CDKAL1: variants seen among roughly 807,000 people sequenced by gnomAD.
The protein encoded by CDKAL1 is CDKAL1 threonylcarbamoyladenosine tRNA methylthiotransferase, also known as threonylcarbamoyladenosine tRNA methylthiotransferase.
CDKAL1 carries 32 observed loss-of-function variants against 68.2 expected under a neutral mutation model. The observed-to-expected ratio is 0.47, with a 90% CI of 0.35 to 0.63. The LOEUF (loss-of-function observed/expected upper bound fraction) is 0.63. Among genes scored for constraint, CDKAL1 ranks in the 30% least tolerant of loss-of-function variants. The pLI, the probability that CDKAL1 is intolerant of heterozygous loss-of-function variation, is 0.00. For missense variants in CDKAL1, 606 were observed against 696.7 expected (o/e 0.87, Z 1.47); for synonymous variants, 234 against 244.3 (o/e 0.96, Z 0.39).
chr6:20,982,858 A>G (rs1344463480), intron 10 of CDKAL1, among the ~76,000 whole-genome samples: 1 of 152,204 alleles, frequency 6.6e-6, no homozygotes, highest in Non-Finnish European at 1.5e-5. Flanking sequence ...TTTCATTTTA[A>G]AAAAACAACA....
At chr6:20,936,591 G>A (rs986875157) in intron 9 of CDKAL1, among the ~76,000 whole-genome samples, 1 of 151,996 alleles carries the variant, frequency 6.6e-6, no homozygotes, top group African/African-American at 2.4e-5. Flanking sequence ...TTCACATGGG[G>A]CTTGGTGACA....
At position 20,781,186 on chromosome 6, in the gene CDKAL1, A is replaced by G; in HGVS notation, c.559A>G (p.Arg187Gly). 2 of 1,614,002 alleles carry G rather than the reference A, an allele frequency of 1.2e-6. No individual in the cohort carries two copies. Among genetic ancestry groups the G allele is most frequent in the East Asian group, 4.5e-5 (2 of 44,874 alleles). The change falls in exon 8 of 16, where the codon AGG (arginine) becomes GGG (glycine). Residue 187 changes from arginine to glycine, a missense_variant. By Grantham distance (125) the Arg-to-Gly change is moderately radical. Transcript: ENST00000274695. ...RLLGQKKDNGRRLGGARLDLP... is the reference protein window; with the variant it reads ...RLLGQKKDNGGRLGGARLDLP... ...GCTGGGTCAGAAAAAGGATAATGGAAGGCGGCTTGGGGGAGCACGATTGGA... is the reference window on the plus strand; with the variant it reads ...GCTGGGTCAGAAAAAGGATAATGGAGGGCGGCTTGGGGGAGCACGATTGGA...
chr6:20,985,933 A>T (rs958732514), intron 10 of CDKAL1, among the ~76,000 whole-genome samples: 2 of 151,916 alleles, frequency 1.3e-5, no homozygotes, highest in African/African-American at 4.8e-5. Flanking sequence ...AAATGAAGAA[A>T]TTTTTTCTTT....
At chr6:20,958,765 T>G (rs1326551359) in intron 10 of CDKAL1, among the ~76,000 whole-genome samples, 1 of 152,210 alleles carries the variant, frequency 6.6e-6, no homozygotes, top group Non-Finnish European at 1.5e-5. Context: ...TTCTTGTGTT[T>G]TTAGAAGATG....
At chr6:20,695,519 G>A (rs892530274) in intron 5 of CDKAL1, among the ~76,000 whole-genome samples, 7 of 152,116 alleles carry the variant, frequency 4.6e-5, no homozygotes, top group African/African-American at 1.7e-4. Flanking sequence ...GTTATAACAG[G>A]AAGAAGTGAT....
chr6:21,003,371 TACACACAC>T (rs55839331), intron 11 of CDKAL1, among the ~76,000 whole-genome samples: 7 of 49,290 alleles, frequency 1.4e-4, no homozygotes, highest in Admixed American at 2.9e-4. Flanking sequence ...TATATATATA[TACACACAC>T]ACACACACAC....
intron 5 of CDKAL1, among the ~76,000 whole-genome samples, chr6:20,730,766 C>T (rs1427078133): frequency 1.3e-5 from 2 of 151,216 alleles, no homozygotes; most frequent in Admixed American, 6.6e-5. Flanking sequence ...ATTGCTTGAA[C>T]CCGGGAGGTG....
At chr6:21,131,157 T>C (rs548254020) in intron 13 of CDKAL1, among the ~76,000 whole-genome samples, 1 of 152,354 alleles carries the variant, frequency 6.6e-6, no homozygotes, top group East Asian at 1.9e-4. Context: ...ATTTGCATAA[T>C]AAGGCATAAA....
chr6:20,606,685 C>T (rs1766349219), intron 4 of CDKAL1, among the ~76,000 whole-genome samples: 1 of 152,110 alleles, frequency 6.6e-6, no homozygotes, highest in Non-Finnish European at 1.5e-5. Context: ...ATTTATCAGG[C>T]TGAACGAGTT....
chr6:21,167,812 T>C (rs1172712592), intron 13 of CDKAL1, among the ~76,000 whole-genome samples: 1 of 152,250 alleles, frequency 6.6e-6, no homozygotes, highest in Non-Finnish European at 1.5e-5. Flanking sequence ...TCATAAGCCT[T>C]ACTCAAGGAG....
At chr6:20,607,136 CT>C (rs1766367040) in intron 4 of CDKAL1, among the ~76,000 whole-genome samples, 4 of 152,106 alleles carry the variant, frequency 2.6e-5, no homozygotes, top group Admixed American at 2.6e-4. Flanking sequence ...GATTTCTTTC[CT>C]TGAGTAAAAG....
intron 9 of CDKAL1, among the ~76,000 whole-genome samples, chr6:20,906,578 A>G (rs1017097186): frequency 1.3e-5 from 2 of 152,166 alleles, no homozygotes; most frequent in Middle Eastern, 6.3e-3. Flanking sequence ...TGTAAGTTGA[A>G]CCATTGTCCA....
At chr6:21,209,216 A>C (rs773982006) in intron 15 of CDKAL1, among the ~76,000 whole-genome samples, 36 of 151,444 alleles carry the variant, frequency 2.4e-4, no homozygotes, top group Non-Finnish European at 4.3e-4. Context: ...GTACACACCC[A>C]CATAGAGGCA....
intron 8 of CDKAL1, among the ~76,000 whole-genome samples, chr6:20,818,556 T>C (rs1271835877): frequency 6.6e-6 from 1 of 152,000 alleles, no homozygotes; most frequent in East Asian, 1.9e-4. Context: ...AGTTCTATAT[T>C]ATGACCATTG....
At chr6:20,883,435 G>A (rs1346316145) in intron 9 of CDKAL1, among the ~76,000 whole-genome samples, 4 of 152,216 alleles carry the variant, frequency 2.6e-5, no homozygotes, top group Non-Finnish European at 5.9e-5. Context: ...CCCCCTGAAT[G>A]TGGGTGGAAC....
intron 2 of CDKAL1, among the ~76,000 whole-genome samples, chr6:20,541,939 C>G (rs149238860): frequency 6.6e-6 from 1 of 152,326 alleles, no homozygotes; most frequent in Non-Finnish European, 1.5e-5. Context: ...GGATTACTGG[C>G]GTGAGCCACC....
intron 10 of CDKAL1, among the ~76,000 whole-genome samples, chr6:20,999,664 A>T (rs1246138219): frequency 3.5e-4 from 24 of 69,124 alleles, no homozygotes; most frequent in East Asian, 2.9e-3. Context: ...GACTGAAATT[A>T]AAAAAAAAAA....
chr6:21,098,344 G>A (rs974354668), intron 12 of CDKAL1, among the ~76,000 whole-genome samples: 2 of 152,234 alleles, frequency 1.3e-5, no homozygotes, highest in Middle Eastern at 3.4e-3. Flanking sequence ...TAAGGTGAGC[G>A]TGGGAGACTG....
chr6:21,195,431 G>A (rs1202728407), intron 13 of CDKAL1, among the ~76,000 whole-genome samples: 1 of 151,944 alleles, frequency 6.6e-6, no homozygotes, highest in Non-Finnish European at 1.5e-5. Flanking sequence ...CCAAGGTGCT[G>A]GGATTACAGG....
Sources: gnomAD v4.1 joint callset for allele counts (sites outside exome capture counted in the v4.1 genomes callset) on GRCh38, gnomAD v4.1.1 for gene constraint, MANE v1.5 for transcripts, NCBI Gene and HGNC (gene_info 2026-07-23, HGNC 2026-07-21) for gene names.